Variants in KCNT2 observed in about 807,000 individuals in gnomAD.
The protein encoded by KCNT2 is potassium channel subfamily T member 2.
KCNT2 carries 67 observed loss-of-function variants against 153.8 expected under a neutral mutation model. The ratio of observed to expected loss-of-function variants is 0.44; its 90% CI spans 0.36 to 0.53. The LOEUF is 0.53. KCNT2 is among the 20% of genes least tolerant of loss of function. KCNT2 has a pLI of 0.00. For missense variants in KCNT2, 975 were observed against 1,354.8 expected (o/e 0.72, Z 4.40); for synonymous variants, 500 against 458.8 (o/e 1.09, Z -1.15).
chr1:196,543,049 T>A (rs961572852), intron 1 of KCNT2, among the ~76,000 whole-genome samples: 2 of 152,162 alleles, frequency 1.3e-5, no homozygotes, highest in Non-Finnish European at 2.9e-5. Flanking sequence ...AGACATTTTA[T>A]ATAGTTATAA....
intron 13 of KCNT2, among the ~76,000 whole-genome samples, chr1:196,378,227 T>G (rs1439560816): frequency 1.3e-5 from 2 of 152,198 alleles, no homozygotes; most frequent in East Asian, 3.9e-4. Context: ...CAATGACTAC[T>G]GTGCATTTCC....
chr1:196,311,981 T>C (rs910889539), intron 21 of KCNT2, among the ~76,000 whole-genome samples: 4 of 151,870 alleles, frequency 2.6e-5, no homozygotes, highest in African/African-American at 4.8e-5. Flanking sequence ...CATACAAATA[T>C]GAAAACATGA....
At chr1:196,456,001 A>G (rs997061647) in intron 8 of KCNT2, among the ~76,000 whole-genome samples, 3 of 152,018 alleles carry the variant, frequency 2.0e-5, no homozygotes, top group South Asian at 2.1e-4. Context: ...CCAAGTTTAA[A>G]CAATTATCTG....
intron 1 of KCNT2, among the ~76,000 whole-genome samples, chr1:196,520,907 G>T (rs893513339): frequency 3.6e-4 from 54 of 152,054 alleles, no homozygotes; most frequent in Non-Finnish European, 4.4e-4. Context: ...TCATGACAAA[G>T]ACACCAAAAG....
At chr1:196,522,490 A>G (rs542651660) in intron 1 of KCNT2, among the ~76,000 whole-genome samples, 267 of 152,360 alleles carry the variant, frequency 1.8e-3, no homozygotes, top group African/African-American at 5.7e-3. Context: ...AATAATTTTC[A>G]GATGCCTGAA....
rs1196800425 is a variant in KCNT2, at chr1:196,226,315, G to A, written c.*1909C>T. On this transcript the variant is annotated 3_prime_UTR_variant, in exon 28 of 28. Transcript: ENST00000294725. ...CTCTTGATATGCAAATATAAAACAA[G>A]TTCATAAAATTTATTGTTTTTCTCT... is the stretch of plus-strand genomic sequence containing the variant. 2.0e-5 allele frequency: 3 copies of A among 151,826 alleles called. No individual in the cohort carries two copies. The highest frequency in any genetic ancestry group is 4.8e-5 in the African/African-American group (2 of 41,380). 9.4% of individuals were successfully genotyped at this position (151,826 alleles called of 1,614,324 possible).
chr1:196,236,844 A>T (rs1404209650), intron 26 of KCNT2, among the ~76,000 whole-genome samples: 3 of 151,562 alleles, frequency 2.0e-5, no homozygotes, highest in Non-Finnish European at 4.4e-5. Flanking sequence ...TGTGGTCTCA[A>T]TTTTTTAGAT....
chr1:196,494,686 AAAT>A (rs1468859775), intron 1 of KCNT2, among the ~76,000 whole-genome samples: 3 of 152,190 alleles, frequency 2.0e-5, no homozygotes, highest in South Asian at 4.1e-4. Context: ...GCCTTAACAA[AAAT>A]AATGAGGAAT....
At chr1:196,468,674 T>A (rs12409169) in intron 6 of KCNT2, among the ~76,000 whole-genome samples, 19,313 of 151,960 alleles carry the variant, frequency 0.13, 1,630 homozygotes, top group Middle Eastern at 0.34. Flanking sequence ...CTTATTTTTT[T>A]AAAAAAAATC....
At chr1:196,604,519 AT>A (rs1265663608) in intron 1 of KCNT2, among the ~76,000 whole-genome samples, 3 of 152,190 alleles carry the variant, frequency 2.0e-5, no homozygotes, top group African/African-American at 7.2e-5. Context: ...CAATATTCTC[AT>A]TTAGCAACTC....
intron 1 of KCNT2, among the ~76,000 whole-genome samples, chr1:196,512,363 T>G (rs1354275561): frequency 6.6e-6 from 1 of 152,126 alleles, no homozygotes; most frequent in Non-Finnish European, 1.5e-5. Context: ...TTCCCCAAAC[T>G]CATATATTAA....
chr1:196,574,195 A>G (rs1661097330), intron 1 of KCNT2, among the ~76,000 whole-genome samples: 1 of 152,052 alleles, frequency 6.6e-6, no homozygotes, highest in Non-Finnish European at 1.5e-5. Context: ...TGAAGCATAA[A>G]TAAGAGTAAA....
chr1:196,289,933 C>T (rs1288886622), intron 22 of KCNT2, among the ~76,000 whole-genome samples: 1 of 151,778 alleles, frequency 6.6e-6, no homozygotes, highest in Admixed American at 6.6e-5. Context: ...TTGGTCTTAC[C>T]TACTTTTCCA....
intron 1 of KCNT2, among the ~76,000 whole-genome samples, chr1:196,523,101 C>A (rs970977957): frequency 3.3e-5 from 5 of 152,208 alleles, no homozygotes; most frequent in African/African-American, 7.2e-5. Flanking sequence ...CCTGCAGCTT[C>A]ACTCCTGAAG....
At chr1:196,259,757 A>T (rs748469522) in intron 25 of KCNT2, 1 of 152,006 alleles carries the variant, frequency 6.6e-6, no homozygotes, top group Middle Eastern at 3.2e-3. Context: ...GTTTCAAAAC[A>T]GTACTATATC....
intron 13 of KCNT2, among the ~76,000 whole-genome samples, chr1:196,383,308 T>C (rs934864255): frequency 9.2e-5 from 14 of 152,190 alleles, no homozygotes; most frequent in African/African-American, 3.1e-4. Flanking sequence ...GCCCAAACTA[T>C]GTATATGCTT....
In KCNT2 at chr1:196,444,024, C is replaced by T. The variant is rs564354153; in HGVS notation, c.639-14267G>A. 2.0e-5 allele frequency among the ~76,000 whole-genome samples: 3 copies of T among 151,146 alleles called. No homozygotes were observed. The East Asian group carries it at 5.9e-4, about 30-fold the overall frequency. On this transcript the variant is annotated intron_variant, in intron 8 of 27. Coordinates refer to ENST00000294725, the MANE Select transcript of KCNT2 (RefSeq NM_198503.5). ...AAGAAATGATAAAATTAAAAAAGGGCCTAGAAATGATCCCTGAGGAACTAC... is the reference window on the plus strand; with the variant it reads ...AAGAAATGATAAAATTAAAAAAGGGTCTAGAAATGATCCCTGAGGAACTAC...
chr1:196,341,970 G>A (rs540879765), intron 15 of KCNT2, 109 bp downstream of exon 15: 27 of 1,107,362 alleles, frequency 2.4e-5, no homozygotes, highest in South Asian at 2.2e-4. Context: ...CAAAAATTCC[G>A]GAATGCCTAA....
intron 1 of KCNT2, among the ~76,000 whole-genome samples, chr1:196,602,686 TTAG>T (rs1296947804): frequency 6.6e-6 from 1 of 152,078 alleles, no homozygotes; most frequent in Non-Finnish European, 1.5e-5. Context: ...GTCTGAATTC[TTAG>T]TAGTGATTGA....
Sources: gnomAD v4.1 joint callset for allele counts (sites outside exome capture counted in the v4.1 genomes callset) on GRCh38, gnomAD v4.1.1 for gene constraint, MANE v1.5 for transcripts, NCBI Gene and HGNC (gene_info 2026-07-23, HGNC 2026-07-21) for gene names.